NXPH2: variants seen among roughly 807,000 people sequenced by gnomAD.
NXPH2 encodes neurexophilin 2, also known as neurexophilin-2.
In NXPH2, 5 loss-of-function variants were observed where a neutral mutation model predicts 19.8. That is an observed-to-expected ratio of 0.25 (90% CI 0.13 to 0.53). The LOEUF (loss-of-function observed/expected upper bound fraction) is 0.53, where lower values mean the gene tolerates loss of function less well. Among genes scored for constraint, NXPH2 ranks in the 20% least tolerant of loss-of-function variants. NXPH2 has a pLI of 0.96. For missense variants in NXPH2, 289 were observed against 322.8 expected (o/e 0.90, Z 0.80); for synonymous variants, 154 against 127.4 (o/e 1.21, Z -1.41).
intron 1 of NXPH2, among the ~76,000 whole-genome samples, chr2:138,693,186 T>C (rs1392875304): frequency 4.6e-5 from 7 of 152,212 alleles, no homozygotes; most frequent in Non-Finnish European, 1.5e-5. Flanking sequence ...CCATCTGTTC[T>C]GGTCATCATT....
chr2:138,746,820 A>G (rs1463960757), intron 1 of NXPH2, among the ~76,000 whole-genome samples: 1 of 152,072 alleles, frequency 6.6e-6, no homozygotes. Context: ...CACTGCCACC[A>G]CATACTGCCT....
chr2:138,701,533 C>G (rs1680923200), intron 1 of NXPH2, among the ~76,000 whole-genome samples: 1 of 152,156 alleles, frequency 6.6e-6, no homozygotes, highest in Non-Finnish European at 1.5e-5. Context: ...GGGCTGTTCA[C>G]TGAAGGTTTA....
intron 1 of NXPH2, among the ~76,000 whole-genome samples, chr2:138,760,000 A>G (rs1456691281): frequency 6.6e-6 from 1 of 152,200 alleles, no homozygotes; most frequent in Admixed American, 6.5e-5. Flanking sequence ...AAGTGCTGAG[A>G]TTACAGGCAT....
chr2:138,723,151 CACAA>C (rs1681305456), intron 1 of NXPH2, among the ~76,000 whole-genome samples: 1 of 148,234 alleles, frequency 6.7e-6, no homozygotes, highest in Non-Finnish European at 1.5e-5. Flanking sequence ...AGCTAAGCAA[CACAA>C]ACAGACAAGC....
At chr2:138,673,125 T>C (rs1000219987) in intron 1 of NXPH2, among the ~76,000 whole-genome samples, 1 of 152,222 alleles carries the variant, frequency 6.6e-6, no homozygotes, top group Admixed American at 6.5e-5. Flanking sequence ...TGGAAGATTT[T>C]CTTCCGCATT....
At chr2:138,694,308 C>G (rs1680794850) in intron 1 of NXPH2, among the ~76,000 whole-genome samples, 1 of 152,056 alleles carries the variant, frequency 6.6e-6, no homozygotes, top group African/African-American at 2.4e-5. Context: ...AAATCCTAAC[C>G]CCGGGTACCT....
intron 1 of NXPH2, among the ~76,000 whole-genome samples, chr2:138,673,462 A>G (rs537247197): frequency 6.6e-6 from 1 of 152,166 alleles, no homozygotes; most frequent in Non-Finnish European, 1.5e-5. Flanking sequence ...TGATTAAGTC[A>G]GAGTATTTAG....
intron 1 of NXPH2, among the ~76,000 whole-genome samples, chr2:138,672,541 T>C (rs912599522): frequency 6.6e-6 from 1 of 152,180 alleles, no homozygotes; most frequent in East Asian, 1.9e-4. Flanking sequence ...TAAGTAGATA[T>C]GGATTTTGAG....
At chr2:138,691,028 A>G (rs2104975813) in intron 1 of NXPH2, among the ~76,000 whole-genome samples, 1 of 152,322 alleles carries the variant, frequency 6.6e-6, no homozygotes, top group African/African-American at 2.4e-5. Flanking sequence ...TGTTGTGGGC[A>G]GAGAGGCAGT....
At chr2:138,671,966 G>A (rs1238901907) in intron 1 of NXPH2, among the ~76,000 whole-genome samples, 3 of 152,120 alleles carry the variant, frequency 2.0e-5, no homozygotes, top group African/African-American at 7.2e-5. Flanking sequence ...CCAGATTGGG[G>A]GAAGTAGTAT....
chr2:138,709,767 A>G (rs1347190748), intron 1 of NXPH2, among the ~76,000 whole-genome samples: 2 of 152,170 alleles, frequency 1.3e-5, no homozygotes, highest in Non-Finnish European at 2.9e-5. Context: ...ATCAGTAAGT[A>G]CTATTTTCAG....
At chr2:138,695,624 G>A (rs1296200178) in intron 1 of NXPH2, among the ~76,000 whole-genome samples, 3 of 152,036 alleles carry the variant, frequency 2.0e-5, no homozygotes, top group African/African-American at 7.2e-5. Flanking sequence ...CTTGAAATCA[G>A]AAACCTGACT....
intron 1 of NXPH2, among the ~76,000 whole-genome samples, chr2:138,719,429 T>C (rs1321906318): frequency 6.6e-6 from 1 of 152,200 alleles, no homozygotes; most frequent in African/African-American, 2.4e-5. Flanking sequence ...TCTGAATTGT[T>C]TTACTGTTTG....
At chr2:138,755,785 A>G (rs1184438426) in intron 1 of NXPH2, among the ~76,000 whole-genome samples, 1 of 152,092 alleles carries the variant, frequency 6.6e-6, no homozygotes. Flanking sequence ...AACAATATTG[A>G]GTTTTCCAAT....
intron 1 of NXPH2, among the ~76,000 whole-genome samples, chr2:138,769,980 T>G (rs920903355): frequency 3.9e-5 from 6 of 152,314 alleles, no homozygotes; most frequent in African/African-American, 1.2e-4. Context: ...GTATATATAA[T>G]TTTATGTGAA....
chr2:138,777,877 A>G (rs1682291592), intron 1 of NXPH2, among the ~76,000 whole-genome samples: 2 of 146,292 alleles, frequency 1.4e-5, no homozygotes, highest in Admixed American at 6.8e-5. Flanking sequence ...CAAAGGGCAG[A>G]TTTTTTTAGT....
At chr2:138,725,404 A>C (rs566851209) in intron 1 of NXPH2, among the ~76,000 whole-genome samples, 1 of 152,330 alleles carries the variant, frequency 6.6e-6, no homozygotes, top group Non-Finnish European at 1.5e-5. Flanking sequence ...CCAATCTGTA[A>C]TAGATGTGAG....
chr2:138,715,739 A>G (rs1477512884), intron 1 of NXPH2, among the ~76,000 whole-genome samples: 1 of 152,198 alleles, frequency 6.6e-6, no homozygotes, highest in Non-Finnish European at 1.5e-5. Context: ...TGTTTCCTTT[A>G]TATTTTCCCT....
chr2:138,730,369 C>T (rs908400329), intron 1 of NXPH2, among the ~76,000 whole-genome samples: 2 of 151,918 alleles, frequency 1.3e-5, no homozygotes, highest in Non-Finnish European at 2.9e-5. Flanking sequence ...CCTAAATTAC[C>T]TTTTTAAAGG....
Sources: gnomAD v4.1 joint callset for allele counts (sites outside exome capture counted in the v4.1 genomes callset) on GRCh38, gnomAD v4.1.1 for gene constraint, MANE v1.5 for transcripts, NCBI Gene and HGNC (gene_info 2026-07-23, HGNC 2026-07-21) for gene names.